Variants in GPC6 observed in about 807,000 individuals in gnomAD.
GPC6 encodes glypican-6.
A neutral mutation model predicts 55.2 loss-of-function variants in GPC6; 14 were observed. The ratio of observed to expected loss-of-function variants is 0.25; its 90% CI spans 0.17 to 0.40. The LOEUF (loss-of-function observed/expected upper bound fraction) is 0.40, where lower values mean the gene tolerates loss of function less well. Among genes scored for constraint, GPC6 ranks in the 10% least tolerant of loss-of-function variants. GPC6 has a pLI of 1.00. For synonymous variants in GPC6, 278 were observed against 259.6 expected (o/e 1.07, Z -0.68); for missense variants, 641 against 708.5 (o/e 0.90, Z 1.08).
At chr13:93,849,738 G>T (rs1888329034) in intron 3 of GPC6, among the ~76,000 whole-genome samples, 1 of 151,980 alleles carries the variant, frequency 6.6e-6, no homozygotes. Context: ...AATTGAGTTT[G>T]GTAAATGATT....
intron 2 of GPC6, among the ~76,000 whole-genome samples, chr13:93,739,906 G>C (rs1333599780): frequency 6.6e-6 from 1 of 152,156 alleles, no homozygotes; most frequent in African/African-American, 2.4e-5. Flanking sequence ...TAATTTGTCA[G>C]ATTGTGAAAG....
intron 4 of GPC6, among the ~76,000 whole-genome samples, chr13:94,164,028 GA>G (rs1888262885): frequency 6.6e-6 from 1 of 152,118 alleles, no homozygotes; most frequent in African/African-American, 2.4e-5. Flanking sequence ...TCTTATCTAT[GA>G]GATGCCACAT....
At chr13:93,395,333 C>T (rs1361217694) in intron 1 of GPC6, 13 of 470,582 alleles carry the variant, frequency 2.8e-5, no homozygotes, top group Non-Finnish European at 8.1e-6. Context: ...CAGGGTTTTC[C>T]CAACTTCACA....
At chr13:93,291,459 G>C (rs1240095083) in intron 1 of GPC6, among the ~76,000 whole-genome samples, 1 of 151,970 alleles carries the variant, frequency 6.6e-6, no homozygotes, top group East Asian at 1.9e-4. Flanking sequence ...GCTAAAACTG[G>C]GGTTTCTCAA....
intron 3 of GPC6, among the ~76,000 whole-genome samples, chr13:93,902,757 G>A (rs932297870): frequency 6.6e-6 from 1 of 152,034 alleles, no homozygotes; most frequent in African/African-American, 2.4e-5. Context: ...TTTCATTGTG[G>A]TTTTCATTTG....
chr13:93,650,757 C>T (rs1407743322), intron 2 of GPC6, among the ~76,000 whole-genome samples: 2 of 152,138 alleles, frequency 1.3e-5, no homozygotes, highest in African/African-American at 4.8e-5. Context: ...TAATAGGTAT[C>T]TCAAGTATTT....
chr13:94,088,291 A>G (rs1885359291), intron 4 of GPC6, among the ~76,000 whole-genome samples: 1 of 152,166 alleles, frequency 6.6e-6, no homozygotes, highest in African/African-American at 2.4e-5. Context: ...AGGAAAAGGG[A>G]AACTATAATG....
At chr13:93,477,770 C>G (rs545956028) in intron 1 of GPC6, among the ~76,000 whole-genome samples, 2 of 152,158 alleles carry the variant, frequency 1.3e-5, no homozygotes, top group South Asian at 2.1e-4. Context: ...TATTTTTTCT[C>G]CAAAGAAGCT....
intron 3 of GPC6, among the ~76,000 whole-genome samples, chr13:94,017,960 G>A (rs1028500679): frequency 9.2e-5 from 14 of 152,224 alleles, no homozygotes; most frequent in African/African-American, 3.4e-4. Flanking sequence ...TTTCAATACA[G>A]TGTTAAACAG....
upstream of GPC6, among the ~76,000 whole-genome samples, chr13:93,222,309 C>T (rs450732): frequency 0.96 from 145,449 of 152,290 alleles, 69,803 homozygotes; most frequent in East Asian, 1. Context: ...TCAACCAACC[C>T]AGTAAGATCA....
At chr13:94,389,015 AGTC>A (rs1880530896) in intron 7 of GPC6, among the ~76,000 whole-genome samples, 1 of 152,202 alleles carries the variant, frequency 6.6e-6, no homozygotes, top group South Asian at 2.1e-4. Context: ...AAGACAGCCT[AGTC>A]GTCTTCAGTG....
intron 2 of GPC6, among the ~76,000 whole-genome samples, chr13:93,606,433 A>G (rs986898409): frequency 4.0e-4 from 61 of 152,340 alleles, no homozygotes; most frequent in African/African-American, 1.3e-3. Flanking sequence ...CTGGGCAGTC[A>G]TCTTTTATGT....
chr13:94,314,380 C>T (rs932499374), intron 6 of GPC6, among the ~76,000 whole-genome samples: 4 of 152,238 alleles, frequency 2.6e-5, no homozygotes, highest in Admixed American at 2.6e-4. Flanking sequence ...ATTTTCCCTT[C>T]TTAAGCCAGA....
Position 93,871,138 on chromosome 13 carries a change from C to A in GPC6, c.711+40593C>A, listed in dbSNP as rs144116983. On this transcript the variant is annotated intron_variant, in intron 3 of 8. Coordinates refer to ENST00000377047, the MANE Select transcript of GPC6 (RefSeq NM_005708.5). ...AACGGGAGACACAAAGTATAGCCGA[C>A]AACACATGCTCTAGCATGAGACAGA... Among the ~76,000 whole-genome samples the A allele has an allele frequency of 3.9e-4, 59 of 151,924 alleles. 1 individual carries two copies. The highest frequency in any genetic ancestry group is 1.3e-3 in the African/African-American group (55 of 41,488).
intron 2 of GPC6, among the ~76,000 whole-genome samples, chr13:93,773,359 C>A (rs942739123): frequency 2.0e-5 from 3 of 152,104 alleles, no homozygotes; most frequent in Admixed American, 1.3e-4. Flanking sequence ...CATCAATAAG[C>A]ATCTCAGAGA....
chr13:93,397,435 A>T (rs1875901044), intron 1 of GPC6, among the ~76,000 whole-genome samples: 1 of 152,216 alleles, frequency 6.6e-6, no homozygotes, highest in African/African-American at 2.4e-5. Flanking sequence ...GTGCTGAGTC[A>T]CCATTTGGAT....
chr13:93,922,855 C>T (rs920265719), intron 3 of GPC6, among the ~76,000 whole-genome samples: 1 of 152,132 alleles, frequency 6.6e-6, no homozygotes, highest in Non-Finnish European at 1.5e-5. Context: ...ATGCATAATT[C>T]TGTAACATCC....
chr13:93,436,161 G>T lies in GPC6; in HGVS notation c.161-109102G>T, dbSNP rs374410021. On this transcript the variant is annotated intron_variant, in intron 1 of 8. Transcript: ENST00000377047. ...ATTTTATATCAAAAATAGAATGGAGGCCCTAAGCCCCAATGATCATGGAAA... is the reference window on the plus strand; with the variant it reads ...ATTTTATATCAAAAATAGAATGGAGTCCCTAAGCCCCAATGATCATGGAAA... 5.3e-5 allele frequency among the ~76,000 whole-genome samples: 8 copies of T among 152,106 alleles called. No homozygotes were observed. The East Asian group carries it at 1.4e-3, about 26-fold the overall frequency.
At chr13:93,600,949 CAAAAAAAAAAAAAA>C (rs1196219049) in intron 2 of GPC6, among the ~76,000 whole-genome samples, 15 of 27,026 alleles carry the variant, frequency 5.6e-4, no homozygotes. Flanking sequence ...AATTCCGCCT[CAAAAAAAAAAAAAA>C]AAAGAAAAAA....
Sources: gnomAD v4.1 joint callset for allele counts (sites outside exome capture counted in the v4.1 genomes callset) on GRCh38, gnomAD v4.1.1 for gene constraint, MANE v1.5 for transcripts, NCBI Gene and HGNC (gene_info 2026-07-23, HGNC 2026-07-21) for gene names.